Variants in GRIN2B observed in about 807,000 individuals in gnomAD.
GRIN2B encodes the protein glutamate ionotropic receptor NMDA type subunit 2B, also known as glutamate receptor ionotropic, NMDA 2B.
A neutral mutation model predicts 114.5 loss-of-function variants in GRIN2B; 5 were observed. The observed-to-expected ratio is 0.04, with a 90% CI of 0.02 to 0.09. GRIN2B has a LOEUF of 0.09. GRIN2B is among the 10% of genes least tolerant of loss of function. The probability of loss-of-function intolerance (pLI) is 1.00; values close to 1 mark genes in which losing one functional copy is unlikely to be tolerated. For synonymous variants in GRIN2B, 787 were observed against 745.1 expected (o/e 1.06, Z -0.92); for missense variants, 1,108 against 1,943.5 (o/e 0.57, Z 8.08).
chr12:13,561,908 G>A lies in GRIN2B; in HGVS notation c.*875C>T, dbSNP rs199854667. ...GAAGGGAGACACAGCCAAAATTCAG[G>A]TAATACATGGCCATCTCTGTCTGTA... On this transcript the variant is annotated 3_prime_UTR_variant, in exon 14 of 14. Transcript: ENST00000609686. 5.2e-5 allele frequency: 8 copies of A among 152,582 alleles called. No homozygotes were observed. Among genetic ancestry groups the A allele is most frequent in the Non-Finnish European group, 1.2e-4 (8 of 68,030 alleles). The allele number at this position is 152,582 out of a possible 1,614,324, so 9.5% of individuals were successfully genotyped here. A position where few individuals can be genotyped will look rare whatever the true frequency, so the allele number is the denominator to read the frequency against.
intron 10 of GRIN2B, among the ~76,000 whole-genome samples, chr12:13,583,299 T>A (rs1296021172): frequency 6.6e-6 from 1 of 152,244 alleles, no homozygotes; most frequent in Non-Finnish European, 1.5e-5. Flanking sequence ...ACTCACCATG[T>A]GTCACATAAT....
intron 3 of GRIN2B, among the ~76,000 whole-genome samples, chr12:13,832,280 TAAC>T (rs1278532164): frequency 6.6e-6 from 1 of 152,234 alleles, no homozygotes; most frequent in Non-Finnish European, 1.5e-5. Flanking sequence ...CATTCAGATA[TAAC>T]ATTATTTTGG....
In GRIN2B at chr12:13,753,257, C is replaced by T. The variant is rs1863516475; in HGVS notation, c.1010+60G>A. ...TCCTGCAGTTTCTGAACTTCCAACC[C>T]CAGTCTTTGAAGCTCCCCTCTCATC... On this transcript the variant is annotated intron_variant, in intron 4 of 13. Transcript: ENST00000609686. The surrounding 1 kb of genome is among the most constrained non-coding windows in gnomAD (Gnocchi z 6.2). 1 of 1,013,918 alleles carries T rather than the reference C, an allele frequency of 9.9e-7. No individual in the cohort carries two copies. The highest frequency in any genetic ancestry group is 1.6e-6 in the Non-Finnish European group (1 of 632,876). 62.8% of individuals were successfully genotyped at this position (1,013,918 alleles called of 1,614,324 possible).
At chr12:13,763,189 T>C (rs559041026) in intron 3 of GRIN2B, among the ~76,000 whole-genome samples, 4 of 152,282 alleles carry the variant, frequency 2.6e-5, no homozygotes, top group African/African-American at 9.6e-5. Context: ...CTATAAGACT[T>C]TGAACTTTAG....
At chr12:13,751,694 G>T (rs1444565885) in intron 4 of GRIN2B, among the ~76,000 whole-genome samples, 1 of 152,140 alleles carries the variant, frequency 6.6e-6, no homozygotes, top group African/African-American at 2.4e-5. Context: ...AGTTCGAAGT[G>T]CCCATGGAAT....
intron 2 of GRIN2B, among the ~76,000 whole-genome samples, chr12:13,942,454 A>T (rs219912): frequency 6.6e-6 from 1 of 152,012 alleles, no homozygotes; most frequent in Non-Finnish European, 1.5e-5. Flanking sequence ...AATTCATTCC[A>T]AATGTTAAGG....
At chr12:13,607,377 T>TATATAAA (rs1555110466) in intron 10 of GRIN2B, among the ~76,000 whole-genome samples, 639 of 26,206 alleles carry the variant, frequency 0.024, 58 homozygotes, top group African/African-American at 0.099. Flanking sequence ...TTATATATTA[T>TATATAAA]ATATATAATA....
At chr12:13,640,763 G>A (rs984771897) in intron 5 of GRIN2B, among the ~76,000 whole-genome samples, 2 of 152,078 alleles carry the variant, frequency 1.3e-5, no homozygotes, top group African/African-American at 4.8e-5. Context: ...AAATTTCCCT[G>A]TACCTGCAGG....
chr12:13,729,603 A>C (rs1287108152), intron 4 of GRIN2B, among the ~76,000 whole-genome samples: 1 of 152,138 alleles, frequency 6.6e-6, no homozygotes, highest in Non-Finnish European at 1.5e-5. Flanking sequence ...GGAGAAGTGC[A>C]ACAGAATATG....
At chr12:13,764,749 C>G (rs914307250) in intron 3 of GRIN2B, among the ~76,000 whole-genome samples, 1 of 152,186 alleles carries the variant, frequency 6.6e-6, no homozygotes, top group Admixed American at 6.5e-5. Flanking sequence ...GCATTTCACC[C>G]GGATACTTTT....
At chr12:13,860,622 C>T (rs1865737642) in intron 3 of GRIN2B, among the ~76,000 whole-genome samples, 1 of 152,090 alleles carries the variant, frequency 6.6e-6, no homozygotes, top group African/African-American at 2.4e-5. Flanking sequence ...CCGTGCCTGG[C>T]CCCCAAAGAA....
chr12:13,646,626 T>C (rs1311615550), intron 5 of GRIN2B, among the ~76,000 whole-genome samples: 1 of 152,136 alleles, frequency 6.6e-6, no homozygotes, highest in Non-Finnish European at 1.5e-5. Flanking sequence ...CGCTTTCTTC[T>C]TCTTCCTCTT....
At position 13,927,982 on chromosome 12, in the gene GRIN2B, A is replaced by AAAAAAAAAAAAAAAAAAAAAAAAAAG. The variant is rs71067738; in HGVS notation, c.-19+51945_-19+51946insCTTTTTTTTTTTTTTTTTTTTTTTTT. Among the ~76,000 whole-genome samples, 17 of 129,792 alleles carry AAAAAAAAAAAAAAAAAAAAAAAAAAG rather than the reference A, an allele frequency of 1.3e-4. 1 individual carries two copies. Among genetic ancestry groups the AAAAAAAAAAAAAAAAAAAAAAAAAAG allele is most frequent in the Non-Finnish European group, 1.8e-4 (11 of 60,388 alleles). 85.1% of individuals were successfully genotyped at this position (129,792 alleles called of 152,430 possible). A position where few individuals can be genotyped will look rare whatever the true frequency, so the allele number is the denominator to read the frequency against. ...ACCCTGTCTCAAAAAAAAAAAAAAA[A>AAAAAAAAAAAAAAAAAAAAAAAAAAG]GGGGGGGTATGCTGTGGAAAGGATG... is the stretch of plus-strand genomic sequence containing the variant. On this transcript the variant is annotated intron_variant, in intron 2 of 13. Coordinates refer to ENST00000609686, the MANE Select transcript of GRIN2B (RefSeq NM_000834.5).
At chr12:13,824,855 CAAAAAAAAAA>C (rs34417194) in intron 3 of GRIN2B, among the ~76,000 whole-genome samples, 8 of 95,116 alleles carry the variant, frequency 8.4e-5, no homozygotes, top group Middle Eastern at 6.8e-3. Flanking sequence ...GACTCCATTT[CAAAAAAAAAA>C]AAAAAAAAAA....
chr12:13,926,418 G>A (rs143832012), intron 2 of GRIN2B, among the ~76,000 whole-genome samples: 1 of 152,096 alleles, frequency 6.6e-6, no homozygotes, highest in African/African-American at 2.4e-5. Context: ...TTCCTCCCGG[G>A]AGCAGAAGCA....
intron 2 of GRIN2B, among the ~76,000 whole-genome samples, chr12:13,978,457 T>C (rs1264447827): frequency 2.0e-5 from 3 of 152,228 alleles, no homozygotes; most frequent in Admixed American, 2.0e-4. Flanking sequence ...GATAGTGAAT[T>C]TGGATTACAT....
intron 5 of GRIN2B, among the ~76,000 whole-genome samples, chr12:13,643,195 T>C (rs1421190116): frequency 6.6e-6 from 1 of 152,146 alleles, no homozygotes; most frequent in Non-Finnish European, 1.5e-5. Flanking sequence ...AAGAATAATT[T>C]TGAAGAAGTC....
chr12:13,749,920 G>A (rs1313027577), intron 4 of GRIN2B, among the ~76,000 whole-genome samples: 1 of 152,190 alleles, frequency 6.6e-6, no homozygotes, highest in African/African-American at 2.4e-5. Context: ...GGATGGAGAG[G>A]AAGGAAAAGA....
intron 4 of GRIN2B, among the ~76,000 whole-genome samples, chr12:13,708,161 T>A (rs1030649804): frequency 1.3e-5 from 2 of 152,044 alleles, no homozygotes; most frequent in African/African-American, 4.8e-5. Context: ...CACTTCCCAA[T>A]AGAAGTAGTT....
Sources: gnomAD v4.1 joint callset for allele counts (sites outside exome capture counted in the v4.1 genomes callset) on GRCh38, gnomAD v4.1.1 for gene constraint, Gnocchi (gnomAD v3.1) non-coding constraint, MANE v1.5 for transcripts, NCBI Gene and HGNC (gene_info 2026-07-23, HGNC 2026-07-21) for gene names.